SET: variants seen among roughly 807,000 people sequenced by gnomAD.
SET encodes protein SET.
In SET, 4 loss-of-function variants were observed where a neutral mutation model predicts 39.0. The ratio of observed to expected loss-of-function variants is 0.10; its 90% CI spans 0.05 to 0.23. The LOEUF is 0.23. SET is among the 10% of genes least tolerant of loss of function. The pLI, the probability that SET is intolerant of heterozygous loss-of-function variation, is 1.00. For missense variants in SET, 137 were observed against 329.7 expected, an observed-to-expected ratio of 0.42 and a Z score of 4.53; for synonymous variants, 114 against 115.9, an observed-to-expected ratio of 0.98 and a Z score of 0.11.
Position 128,693,925 on chromosome 9 carries a change from A to G in SET, c.693A>G (p.Glu231=), listed in dbSNP as rs150020269. 10 of 1,586,314 alleles carry G rather than the reference A, an allele frequency of 6.3e-6. No homozygotes were observed. The highest frequency in any genetic ancestry group is 1.4e-5 in the African/African-American group (1 of 74,054). ...LVPDMDDEEG[E]GEEDDDDDEE... ...CCGATATGGATGATGAAGAAGGAGA[A>G]GGAGAAGAAGATGATGATGATGATG... Residue 231 remains glutamate, a synonymous_variant, in exon 7 of 8, where the codon GAA becomes GAG. Coordinates refer to ENST00000322030, the MANE Select transcript of SET (RefSeq NM_003011.4).
In SET at chr9:128,689,278, T is replaced by A; in HGVS notation, c.-305T>A. On this transcript the variant is annotated 5_prime_UTR_variant, in exon 1 of 8. Coordinates refer to ENST00000322030, the MANE Select transcript of SET (RefSeq NM_003011.4). ...CGGCTCGGGAGAGCGAGCAGCGAGC[T>A]GGCTGGATCGCCGAGCGCGAGTGAG... 1 of 1,007,934 alleles carries A rather than the reference T, an allele frequency of 9.9e-7. No homozygotes were observed. The highest frequency in any genetic ancestry group is 1.2e-6 in the Non-Finnish European group (1 of 844,464). 62.4% of individuals were successfully genotyped at this position (1,007,934 alleles called of 1,614,324 possible).
intron 7 of SET, 64 bp downstream of exon 7, chr9:128,694,106 GTATATA>G: frequency 1.2e-5 from 12 of 1,001,268 alleles, no homozygotes; most frequent in East Asian, 2.8e-5. Flanking sequence ...ATTTTGGGGT[GTATATA>G]TATATATATA....
rs1423377300 is a variant in SET, at chr9:128,694,575, TGTG to T, written c.811-63_811-61del. On this transcript the variant is annotated intron_variant, in intron 7 of 7. Coordinates refer to ENST00000322030, the MANE Select transcript of SET (RefSeq NM_003011.4). ...CCCCAGGGGCACTCGTGGGGTCCAT[TGTG>T]GTCCATATGAAAGCAAGTCTCAGCA... is the stretch of plus-strand genomic sequence containing the variant. 5.3e-6 allele frequency: 6 copies of T among 1,129,822 alleles called. No homozygotes were observed. The African/African-American group carries it at 9.7e-5, about 18-fold the overall frequency. 70.0% of individuals were successfully genotyped at this position (1,129,822 alleles called of 1,614,324 possible).
chr9:128,684,903 G>A (rs571554146), upstream of SET, among the ~76,000 whole-genome samples: 1 of 152,266 alleles, frequency 6.6e-6, no homozygotes, highest in East Asian at 1.9e-4. Context: ...AAACTTAGAG[G>A]TGAGGGCTGC....
In SET at chr9:128,683,852, G is replaced by C. The variant is rs533332313; in HGVS notation, c.-44G>C. ...CTCAGTGTTCAGCCTGCTTCCGGAC[G>C]GGCGAGGAGACTCGTGGTCTGGTTC... On this transcript the variant is annotated 5_prime_UTR_variant, in exon 1 of 8. Transcript: ENST00000372692. 274 of 1,489,846 alleles carry C rather than the reference G, an allele frequency of 1.8e-4. 1 individual carries two copies. In the African/African-American group the frequency reaches 3.4e-3, roughly 18 times the overall value. 92.3% of individuals were successfully genotyped at this position (1,489,846 alleles called of 1,614,324 possible).
In SET at chr9:128,689,640, GC is replaced by G; in HGVS notation, c.60del (p.Asp21ThrfsTer22). ...GGAGCTCAACTCCAACCACGACGGG[GC>G]CGACGAGACCTCAGGTGAGAGCAGC... ...KKELNSNHDG[A>X]DETSEKEQQE... On this transcript the variant is annotated frameshift_variant, in exon 1 of 8. Transcript: ENST00000322030. LOFTEE classifies it high-confidence loss of function. 7.6e-7 allele frequency: 1 copy of G among 1,321,854 alleles called. No homozygotes were observed. The highest frequency in any genetic ancestry group is 9.9e-7 in the Non-Finnish European group (1 of 1,009,150). The allele number at this position is 1,321,854 out of a possible 1,614,324, so 81.9% of individuals were successfully genotyped here. A position where few individuals can be genotyped will look rare whatever the true frequency, so the allele number is the denominator to read the frequency against.
chr9:128,692,807 T>C (rs748941077), intron 4 of SET, 42 bp downstream of exon 4: 13 of 1,523,714 alleles, frequency 8.5e-6, no homozygotes, highest in East Asian at 4.5e-5. Context: ...CTGTGGAAAT[T>C]AATGTGAGCT....
At chr9:128,691,685 A>C in intron 2 of SET, among the ~76,000 whole-genome samples, 173 bp from the exon 3 acceptor site, 1 of 152,234 alleles carries the variant, frequency 6.6e-6, no homozygotes, top group East Asian at 1.9e-4. Context: ...TTATTGATAA[A>C]TCAGACAAAA....
At chr9:128,689,752 GCGCCGGGCGGGGGGGCGCGGCGC>G (rs1347765609) in intron 1 of SET, 97 bp downstream of exon 1, 1 of 166,298 alleles carries the variant, frequency 6.0e-6, no homozygotes, top group Non-Finnish European at 1.2e-5. Context: ...CGCGCGGGGG[GCGCCGGGCGGGGGGGCGCGGCGC>G]GGCCGGGCGG....
chr9:128,688,300 A>T (rs993764531), upstream of SET, among the ~76,000 whole-genome samples: 2 of 152,214 alleles, frequency 1.3e-5, no homozygotes, highest in Non-Finnish European at 1.5e-5. Flanking sequence ...AATGTGGGGC[A>T]TCCGCATTAC....
At chr9:128,685,389 A>T (rs1861250018), upstream of SET, among the ~76,000 whole-genome samples, 1 of 152,192 alleles carries the variant, frequency 6.6e-6, no homozygotes, top group Admixed American at 6.6e-5. Flanking sequence ...GAGTCTTCCT[A>T]GTTTCCTTCC....
At position 128,689,459 on chromosome 9, in the gene SET, G is replaced by T; in HGVS notation, c.-124G>T. On this transcript the variant is annotated 5_prime_UTR_variant, in exon 1 of 8. Transcript: ENST00000322030. ...GGGGGAGGGAGAGCGAGCGAGCGCCGGGAGGAGGCGGCCGGACCGAGCGGG... is the reference window on the plus strand; with the variant it reads ...GGGGGAGGGAGAGCGAGCGAGCGCCTGGAGGAGGCGGCCGGACCGAGCGGG... 1 of 587,754 alleles carries T rather than the reference G, an allele frequency of 1.7e-6. No homozygotes were observed. The highest frequency in any genetic ancestry group is 6.6e-5 in the South Asian group (1 of 15,148). 36.4% of individuals were successfully genotyped at this position (587,754 alleles called of 1,614,324 possible).
At position 128,694,843 on chromosome 9, in the gene SET, G is replaced by A; in HGVS notation, c.*179G>A. ...ATTTATTTGGGGGGAAATACCTTGA[G>A]CAGAATACAATGGGAAAAGAGTCTC... is the stretch of plus-strand genomic sequence containing the variant. On this transcript the variant is annotated 3_prime_UTR_variant, in exon 8 of 8. Transcript: ENST00000322030. The A allele has an allele frequency of 2.2e-6, 1 of 461,176 alleles. No individual in the cohort carries two copies. The highest frequency in any genetic ancestry group is 3.5e-5 in the East Asian group (1 of 28,178). The allele number at this position is 461,176 out of a possible 1,614,324, so 28.6% of individuals were successfully genotyped here.
upstream of SET, chr9:128,683,433 T>C (rs1861184086): frequency 4.4e-6 from 1 of 224,870 alleles, no homozygotes; most frequent in Non-Finnish European, 8.8e-6. Context: ...TACTGAGGAA[T>C]GTTCCAAGCT....
At chr9:128,688,932 C>T (rs925885053), upstream of SET, among the ~76,000 whole-genome samples, 2 of 151,846 alleles carry the variant, frequency 1.3e-5, no homozygotes, top group African/African-American at 4.8e-5. Flanking sequence ...CCACGTGACG[C>T]GCCGGCCGGG....
Position 128,689,544 on chromosome 9 carries a change from TCCCCCTCCCCGCTCC to T in SET, c.-33_-19del. On this transcript the variant is annotated 5_prime_UTR_variant, in exon 1 of 8. Transcript: ENST00000322030. ...CCCGCCCCCTTCGCCTTCCCTTCTC[TCCCCCTCCCCGCTCC>T]CCCCCCGACCGCGGAGCAGCACCAT... 1.8e-6 allele frequency: 2 copies of T among 1,110,714 alleles called. No homozygotes were observed. Among genetic ancestry groups the T allele is most frequent in the Non-Finnish European group, 2.4e-6 (2 of 839,692 alleles). The allele number at this position is 1,110,714 out of a possible 1,614,324, so 68.8% of individuals were successfully genotyped here.
chr9:128,691,048 G>A (rs1554776301), intron 1 of SET, 122 bp from the exon 2 acceptor site: 2 of 783,294 alleles, frequency 2.6e-6, no homozygotes, highest in East Asian at 2.4e-5. Flanking sequence ...CATGTGGAAC[G>A]CTTGCCTTTG....
chr9:128,688,995 G>A (rs568505574), upstream of SET, among the ~76,000 whole-genome samples: 2 of 151,538 alleles, frequency 1.3e-5, no homozygotes, highest in East Asian at 3.9e-4. Flanking sequence ...GCGCGCCAGT[G>A]TCCTGGGTCG....
rs77639733 is a variant in SET at position 128,692,656 on chromosome 9, G to A, written c.275-6G>A. 3.9e-3 allele frequency: 6,216 copies of A among 1,589,912 alleles called. 205 individuals are homozygous for A. In the African/African-American group the frequency reaches 0.073, roughly 19 times the overall value. Reference sequence around the variant, plus strand: ...AATTCAGCTGACCTGTAATTTTCTGGCCTAGTGTCTGCACTGCTTGGGGAG... The same window carrying A: ...AATTCAGCTGACCTGTAATTTTCTGACCTAGTGTCTGCACTGCTTGGGGAG... On this transcript the variant is annotated splice_region_variant and splice_polypyrimidine_tract_variant and intron_variant, in intron 3 of 7. Coordinates refer to ENST00000322030, the MANE Select transcript of SET (RefSeq NM_003011.4).
Sources: gnomAD v4.1 joint callset for allele counts (sites outside exome capture counted in the v4.1 genomes callset) on GRCh38, gnomAD v4.1.1 for gene constraint, MANE v1.5 for transcripts, NCBI Gene and HGNC (gene_info 2026-07-23, HGNC 2026-07-21) for gene names.